Variants in TET2 observed in about 807,000 individuals in gnomAD.
TET2 encodes the protein tet methylcytosine dioxygenase 2.
TET2 carries 299 observed loss-of-function variants against 142.9 expected under a neutral mutation model. The ratio of observed to expected loss-of-function variants is 2.09; its 90% confidence interval spans 1.90 to 2.30. TET2 has a LOEUF of 2.30. Ranked by LOEUF, TET2 falls within the 30% of genes most tolerant of loss-of-function variation. The pLI, the probability that TET2 is intolerant of heterozygous loss-of-function variation, is 0.00. For missense variants in TET2, 2,418 were observed against 2,378.0 expected (o/e 1.02, Z -0.35); for synonymous variants, 819 against 849.0 (o/e 0.96, Z 0.61).
intron 1 of TET2, among the ~76,000 whole-genome samples, chr4:105,188,648 C>T (rs983295997): frequency 2.0e-5 from 3 of 152,012 alleles, no homozygotes; most frequent in African/African-American, 7.2e-5. Flanking sequence ...CATGGCATAT[C>T]AAAACAGTAG....
chr4:105,263,243 T>C (rs964014560), intron 8 of TET2, among the ~76,000 whole-genome samples: 4 of 152,180 alleles, frequency 2.6e-5, no homozygotes, highest in African/African-American at 7.2e-5. Context: ...TAGGTAACCA[T>C]TGGGCTGTTT....
At chr4:105,264,436 A>G (rs1354979687) in intron 8 of TET2, among the ~76,000 whole-genome samples, 1 of 152,198 alleles carries the variant, frequency 6.6e-6, no homozygotes, top group Non-Finnish European at 1.5e-5. Flanking sequence ...CTGTTAATCA[A>G]ATGGCTTTAC....
intron 6 of TET2, among the ~76,000 whole-genome samples, chr4:105,256,741 T>G (rs751338499): frequency 3.9e-5 from 6 of 152,160 alleles, no homozygotes; most frequent in Non-Finnish European, 5.9e-5. Flanking sequence ...GTTGGTATGC[T>G]TTATGGTCTT....
chr4:105,250,380 ATTTTT>A (rs59695275), intron 6 of TET2, among the ~76,000 whole-genome samples: 16 of 60,316 alleles, frequency 2.7e-4, no homozygotes, highest in African/African-American at 8.6e-4. Context: ...TCCTTTCTGG[ATTTTT>A]TTTTTTTTTT....
chr4:105,279,478 A>C lies in TET2; in HGVS notation c.*2959A>C. 1 of 232,734 alleles carries C rather than the reference A, an allele frequency of 4.3e-6. No individual in the cohort carries two copies. The highest frequency in any genetic ancestry group is 6.1e-5 in the East Asian group (1 of 16,432). 14.4% of individuals were successfully genotyped at this position (232,734 alleles called of 1,614,324 possible). A position where few individuals can be genotyped will look rare whatever the true frequency, so the allele number is the denominator to read the frequency against. On this transcript the variant is annotated 3_prime_UTR_variant, in exon 11 of 11. Coordinates refer to ENST00000380013, the MANE Select transcript of TET2 (RefSeq NM_001127208.3). ...TTGAAAATGCTTCTGAGTGGTGTCAACTTTACTTGAATGAATTTTTCATCT... is the reference window on the plus strand; with the variant it reads ...TTGAAAATGCTTCTGAGTGGTGTCACCTTTACTTGAATGAATTTTTCATCT...
At chr4:105,263,484 G>A (rs1276334408) in intron 8 of TET2, among the ~76,000 whole-genome samples, 1 of 152,168 alleles carries the variant, frequency 6.6e-6, no homozygotes, top group Non-Finnish European at 1.5e-5. Context: ...ATGTATGGAT[G>A]AGAAAAGAAT....
In TET2 at chr4:105,278,619, G is replaced by A. The variant is rs949837594; in HGVS notation, c.*2100G>A. 5 of 231,964 alleles carry A rather than the reference G, an allele frequency of 2.2e-5. No homozygotes were observed. The East Asian group carries it at 3.0e-4, about 14-fold the overall frequency. The allele number at this position is 231,964 out of a possible 1,614,324, so 14.4% of individuals were successfully genotyped here. On this transcript the variant is annotated 3_prime_UTR_variant, in exon 11 of 11. Transcript: ENST00000380013. Reference sequence around the variant, plus strand: ...ATTTTGAATCCCTTCTATTTTACTTGTACATGTGCTGATGTAACTAAAACT... The same window carrying A: ...ATTTTGAATCCCTTCTATTTTACTTATACATGTGCTGATGTAACTAAAACT...
At chr4:105,254,270 T>A (rs139693456) in intron 6 of TET2, among the ~76,000 whole-genome samples, 1 of 152,240 alleles carries the variant, frequency 6.6e-6, no homozygotes, top group African/African-American at 2.4e-5. Context: ...TGAAAAGTTA[T>A]TGCTGATTCA....
chr4:105,269,530 A>T (rs1730845325), intron 8 of TET2, 80 bp from the exon 9 acceptor site: 1 of 1,433,134 alleles, frequency 7.0e-7, no homozygotes, highest in Non-Finnish European at 9.5e-7. Flanking sequence ...TAAAGTTCTA[A>T]ATGGTCTAAA....
intron 9 of TET2, among the ~76,000 whole-genome samples, chr4:105,270,674 T>TTA (rs3055846): frequency 0.055 from 8,224 of 149,238 alleles, 286 homozygotes; most frequent in Middle Eastern, 0.1. Flanking sequence ...TAGATACATG[T>TTA]TATATATATA....
chr4:105,249,537 T>G (rs1729759023), intron 6 of TET2, among the ~76,000 whole-genome samples: 1 of 152,230 alleles, frequency 6.6e-6, no homozygotes, highest in Admixed American at 6.5e-5. Context: ...TTTTCCAAAG[T>G]AGCTTTATGC....
Position 105,235,582 on chromosome 4 carries a change from A to C in TET2, c.1640A>C (p.Glu547Ala). 1 of 1,614,178 alleles carries C rather than the reference A, an allele frequency of 6.2e-7. No individual in the cohort carries two copies. The highest frequency in any genetic ancestry group is 2.2e-5 in the East Asian group (1 of 44,882). The change falls in exon 3 of 11, where the codon GAG (glutamate) becomes GCG (alanine). Residue 547 changes from glutamate (E) to alanine (A), a missense_variant. By Grantham distance (107) the Glu-to-Ala change is moderately radical (BLOSUM62 -1). Coordinates refer to ENST00000380013, the MANE Select transcript of TET2 (RefSeq NM_001127208.3). ...GAGATTCTGAAGGGTCGAGACAAGG[A>C]GCAAACACGAGATCTTGTGCCCCCA... ...EQEILKGRDK[E>A]QTRDLVPPTQ... is the part of the protein sequence containing the mutation.
chr4:105,232,698 G>C (rs893840925), intron 2 of TET2, among the ~76,000 whole-genome samples: 1 of 152,306 alleles, frequency 6.6e-6, no homozygotes. Flanking sequence ...TATTGTTGGA[G>C]TATAAACTGT....
chr4:105,265,870 G>T (rs912219766), intron 8 of TET2, among the ~76,000 whole-genome samples: 10 of 152,166 alleles, frequency 6.6e-5, no homozygotes, highest in Admixed American at 5.9e-4. Flanking sequence ...ACTTCCTGAA[G>T]AGAGTATTAG....
intron 1 of TET2, among the ~76,000 whole-genome samples, chr4:105,167,934 A>G (rs1327563281): frequency 6.6e-6 from 1 of 152,222 alleles, no homozygotes; most frequent in Admixed American, 6.5e-5. Context: ...ACTAGAAACA[A>G]CAGAGAGAAA....
At position 105,158,345 on chromosome 4, in the gene TET2, A is replaced by C. The variant is rs540612178; in HGVS notation, c.-193+11366A>C. On this transcript the variant is annotated intron_variant, in intron 1 of 10. Transcript: ENST00000380013. ...TAAAAACTTAGTTATTGACATTGTA[A>C]TTTTTCTCAGTATTGGTAAGAATTC... is the stretch of plus-strand genomic sequence containing the variant. Among the ~76,000 whole-genome samples the C allele has an allele frequency of 1.1e-4, 16 of 152,044 alleles. No individual in the cohort carries two copies. The South Asian group carries it at 1.4e-3, about 14-fold the overall frequency.
At chr4:105,225,210 G>GTGTGTGTGTGT (rs1728115286) in intron 2 of TET2, among the ~76,000 whole-genome samples, 1 of 151,376 alleles carries the variant, frequency 6.6e-6, no homozygotes, top group Non-Finnish European at 1.5e-5. Context: ...GTGTGTGTGT[G>GTGTGTGTGTGT]ATTTGAATAA....
intron 1 of TET2, among the ~76,000 whole-genome samples, chr4:105,164,621 G>A (rs1031320599): frequency 3.3e-5 from 5 of 152,140 alleles, no homozygotes; most frequent in African/African-American, 1.2e-4. Context: ...TTTTTTTAAA[G>A]CATAATGAGA....
chr4:105,236,409 A>G lies in TET2; in HGVS notation c.2467A>G (p.Met823Val), dbSNP rs1478333026. ...TAGAAATTCCCCTTATAGTCAGACC[A>G]TGAAATCAAGTGCATGCAAAATACA... ...NRRNSPYSQT[M>V]KSSACKIQVS... is the part of the protein sequence containing the mutation. Residue 823 changes from methionine to valine, a missense_variant, in exon 3 of 11, where the codon ATG becomes GTG. Transcript: ENST00000380013. 14 of 1,614,000 alleles carry G rather than the reference A, an allele frequency of 8.7e-6. No homozygotes were observed. Among genetic ancestry groups the G allele is most frequent in the East Asian group, 2.2e-5 (1 of 44,866 alleles).
Sources: allele counts gnomAD v4.1 joint callset (sites outside exome capture counted in the v4.1 genomes callset), GRCh38; gene constraint gnomAD v4.1.1; transcripts MANE v1.5; gene names NCBI Gene and HGNC (gene_info 2026-07-23, HGNC 2026-07-21).